Variants in TRHDE observed in about 807,000 individuals in gnomAD.
The protein encoded by TRHDE is thyrotropin-releasing hormone-degrading ectoenzyme.
A neutral mutation model predicts 125.7 loss-of-function variants in TRHDE; 72 were observed. The ratio of observed to expected loss-of-function variants is 0.57; its 90% CI spans 0.47 to 0.70. TRHDE has a LOEUF of 0.70. Ranked by LOEUF, TRHDE falls within the 30% of genes least tolerant of loss-of-function variation. The probability of loss-of-function intolerance (pLI) is 0.00; values close to 1 mark genes in which losing one functional copy is unlikely to be tolerated. For synonymous variants in TRHDE, 509 were observed against 509.1 expected (o/e 1.00, Z 0.00); for missense variants, 1,110 against 1,327.1 (o/e 0.84, Z 2.54).
chr12:72,460,988 T>C (rs959439894), intron 3 of TRHDE, among the ~76,000 whole-genome samples: 1 of 152,064 alleles, frequency 6.6e-6, no homozygotes, highest in Non-Finnish European at 1.5e-5. Context: ...AATCAGTAAA[T>C]GTCGAGGAAA....
At chr12:72,582,425 T>G in intron 12 of TRHDE, 5 of 985,418 alleles carry the variant, frequency 5.1e-6, no homozygotes, top group Non-Finnish European at 6.0e-6. Context: ...TGGAAGTAAT[T>G]TGCTCCTTTT....
chr12:72,657,473 A>C (rs1874751098), intron 18 of TRHDE, among the ~76,000 whole-genome samples: 1 of 152,196 alleles, frequency 6.6e-6, no homozygotes. Flanking sequence ...GCTTTGTGCT[A>C]TGTAGCCTCT....
intron 2 of TRHDE, among the ~76,000 whole-genome samples, chr12:72,246,830 T>C (rs767766329): frequency 5.3e-5 from 8 of 152,236 alleles, no homozygotes; most frequent in Non-Finnish European, 8.8e-5. Context: ...AAATAATGAT[T>C]TGTTTTTCTT....
intron 2 of TRHDE, among the ~76,000 whole-genome samples, chr12:72,332,493 GATGGTGCT>G (rs1869650939): frequency 6.6e-6 from 1 of 152,014 alleles, no homozygotes; most frequent in African/African-American, 2.4e-5. Flanking sequence ...TCACCCAGGG[GATGGTGCT>G]AAACCATTCG....
chr12:72,276,685 T>A (rs759605896), intron 1 of TRHDE, among the ~76,000 whole-genome samples: 6 of 152,212 alleles, frequency 3.9e-5, no homozygotes, highest in Non-Finnish European at 8.8e-5. Context: ...GAGCTCCCTC[T>A]TGAAGCCCAA....
rs540802419 is a variant in TRHDE at position 72,340,514 on chromosome 12, T to C, written c.1189-37481T>C. On this transcript the variant is annotated intron_variant, in intron 2 of 18. Coordinates refer to ENST00000261180, the MANE Select transcript of TRHDE (RefSeq NM_013381.3). Reference sequence around the variant, plus strand: ...CAGTGGCTTATACTAGAAATGTGCCTACTTCTCTCTTACATAAAAGGAGTA... The same window carrying C: ...CAGTGGCTTATACTAGAAATGTGCCCACTTCTCTCTTACATAAAAGGAGTA... Among the ~76,000 whole-genome samples, 3 of 152,306 alleles carry C rather than the reference T, an allele frequency of 2.0e-5. No individual in the cohort carries two copies. In the East Asian group the frequency reaches 5.8e-4, roughly 29 times the overall value.
At chr12:72,176,997 A>T (rs1164380762) in intron 2 of TRHDE, among the ~76,000 whole-genome samples, 1 of 152,190 alleles carries the variant, frequency 6.6e-6, no homozygotes, top group African/African-American at 2.4e-5. Context: ...GCAGCCCAAT[A>T]GATCATGACG....
chr12:72,238,319 T>TATATATACAC (rs1878394816), intron 2 of TRHDE, among the ~76,000 whole-genome samples: 1 of 28,694 alleles, frequency 3.5e-5, no homozygotes, highest in African/African-American at 1.2e-4. Flanking sequence ...TATATATATA[T>TATATATACAC]ATACATATAT....
chr12:72,166,524 T>C (rs1160063978), intron 2 of TRHDE, among the ~76,000 whole-genome samples: 2 of 152,202 alleles, frequency 1.3e-5, no homozygotes, highest in African/African-American at 2.4e-5. Context: ...GAGCTATTTC[T>C]CATGAATTTG....
chr12:72,183,433 C>A (rs1877136296), intron 2 of TRHDE, among the ~76,000 whole-genome samples: 1 of 152,148 alleles, frequency 6.6e-6, no homozygotes, highest in African/African-American at 2.4e-5. Flanking sequence ...TAAACGCTTT[C>A]TTTAGATAAG....
chr12:72,491,032 TA>T (rs1877655287), intron 5 of TRHDE, among the ~76,000 whole-genome samples: 1 of 150,112 alleles, frequency 6.7e-6, no homozygotes, highest in Admixed American at 6.7e-5. Flanking sequence ...AGATGATGGA[TA>T]TGTTAATTTG....
intron 2 of TRHDE, among the ~76,000 whole-genome samples, chr12:72,149,282 A>G (rs1486602060): frequency 1.3e-5 from 2 of 152,184 alleles, no homozygotes; most frequent in Admixed American, 6.5e-5. Context: ...AGAATTGGTT[A>G]TAAGTCCTCA....
At chr12:72,232,233 C>A (rs1021711135) in intron 2 of TRHDE, among the ~76,000 whole-genome samples, 2 of 152,160 alleles carry the variant, frequency 1.3e-5, no homozygotes, top group African/African-American at 4.8e-5. Flanking sequence ...CTGTGCTTCT[C>A]ACAGGAAGGA....
At chr12:72,316,130 T>G (rs552449789) in intron 2 of TRHDE, among the ~76,000 whole-genome samples, 1 of 152,162 alleles carries the variant, frequency 6.6e-6, no homozygotes, top group Non-Finnish European at 1.5e-5. Flanking sequence ...AGCTTCTGAA[T>G]GCACAAATCC....
intron 2 of TRHDE, among the ~76,000 whole-genome samples, chr12:72,372,613 G>C (rs1036433793): frequency 6.6e-6 from 1 of 152,134 alleles, no homozygotes; most frequent in Non-Finnish European, 1.5e-5. Context: ...CATATGGCTA[G>C]CCAGTTTTCC....
intron 3 of TRHDE, among the ~76,000 whole-genome samples, chr12:72,464,705 CT>C (rs1220996051): frequency 8.5e-5 from 13 of 152,154 alleles, no homozygotes; most frequent in Non-Finnish European, 1.9e-4. Flanking sequence ...ATTATAGACA[CT>C]AGCCTACCAT....
At chr12:72,121,043 A>C (rs991321125) in intron 2 of TRHDE, among the ~76,000 whole-genome samples, 2 of 151,776 alleles carry the variant, frequency 1.3e-5, no homozygotes, top group Non-Finnish European at 2.9e-5. Context: ...AAAGTTGTAG[A>C]TATAATTTTT....
At chr12:72,444,211 A>C (rs1315089984) in intron 3 of TRHDE, among the ~76,000 whole-genome samples, 3 of 151,800 alleles carry the variant, frequency 2.0e-5, no homozygotes, top group Non-Finnish European at 2.9e-5. Flanking sequence ...AACCCCAAAG[A>C]TGAAGTTTTC....
chr12:72,341,846 T>A (rs1870099689), intron 2 of TRHDE, among the ~76,000 whole-genome samples: 1 of 152,158 alleles, frequency 6.6e-6, no homozygotes, highest in African/African-American at 2.4e-5. Context: ...AAGACAGTTC[T>A]AAAAGTCTTC....
Sources: gnomAD v4.1 joint callset for allele counts (sites outside exome capture counted in the v4.1 genomes callset) on GRCh38, gnomAD v4.1.1 for gene constraint, MANE v1.5 for transcripts, NCBI Gene and HGNC (gene_info 2026-07-23, HGNC 2026-07-21) for gene names.